TMEM14A: variants seen among roughly 807,000 people sequenced by gnomAD.
TMEM14A encodes transmembrane protein 14A.
TMEM14A carries 8 observed loss-of-function variants against 11.6 expected under a neutral mutation model. The observed-to-expected ratio is 0.69, with a 90% CI of 0.40 to 1.24. The LOEUF is 1.24. Among genes scored for constraint, TMEM14A ranks in the 50% most tolerant of loss-of-function variants. The probability of loss-of-function intolerance (pLI) is 0.01; values close to 1 mark genes in which losing one functional copy is unlikely to be tolerated. For missense variants in TMEM14A, 108 were observed against 121.9 expected (o/e 0.89, Z 0.54); for synonymous variants, 34 against 45.5 (o/e 0.75, Z 1.02).
In TMEM14A at chr6:52,680,611, A is replaced by ATATATG. The variant is rs1342408407; in HGVS notation, c.71-1201_71-1200insATATGT. Reference sequence around the variant, plus strand: ...TATATATTTATATATATATATATATATGTATATATATGTGTATATATATAT... The same window carrying ATATATG: ...TATATATTTATATATATATATATATATATATGTGTATATATATGTGTATATATATAT... On this transcript the variant is annotated intron_variant, in intron 2 of 4. Coordinates refer to ENST00000211314, the MANE Select transcript of TMEM14A (RefSeq NM_014051.4). Among the ~76,000 whole-genome samples the ATATATG allele has an allele frequency of 1.9e-3, 205 of 107,462 alleles. 4 individuals carry two copies. Among genetic ancestry groups the ATATATG allele is most frequent in the South Asian group, 0.014 (45 of 3,180 alleles). The allele number at this position is 107,462 out of a possible 152,430, so 70.5% of individuals were successfully genotyped here.
rs1295919277 is a variant in TMEM14A, at chr6:52,686,074, G to C, written c.*25G>C. The C allele has an allele frequency of 1.2e-6, 2 of 1,604,682 alleles. No individual in the cohort carries two copies. Among genetic ancestry groups the C allele is most frequent in the Non-Finnish European group, 1.7e-6 (2 of 1,175,482 alleles). On this transcript the variant is annotated 3_prime_UTR_variant, in exon 5 of 5. Transcript: ENST00000211314. ...AGCATCTGGAGGAACAGAAAACTAA[G>C]TTCATGTCATCCTGCTGTAATGGGC...
intron 2 of TMEM14A, among the ~76,000 whole-genome samples, chr6:52,678,306 A>G (rs1319327640): frequency 6.9e-6 from 1 of 144,112 alleles, no homozygotes; most frequent in African/African-American, 2.5e-5. Flanking sequence ...AGAGAGATAT[A>G]GAGAGTGTGT....
rs749318698 is a variant in TMEM14A, at chr6:52,680,669, G to GTA, written c.71-1131_71-1130dup. On this transcript the variant is annotated intron_variant, in intron 2 of 4. Transcript: ENST00000211314. ...TATATATGTGTGTGTATATATATGT[G>GTA]TATATATATATATACATATATGTAT... Among the ~76,000 whole-genome samples the GTA allele has an allele frequency of 1.1e-4, 4 of 35,964 alleles. 2 individuals are homozygous for GTA. The highest frequency in any genetic ancestry group is 3.1e-4 in the African/African-American group (4 of 12,714). The allele number at this position is 35,964 out of a possible 152,430, so 23.6% of individuals were successfully genotyped here.
chr6:52,682,176 T>C (rs1031905476), intron 3 of TMEM14A, among the ~76,000 whole-genome samples: 1 of 152,252 alleles, frequency 6.6e-6, no homozygotes, highest in African/African-American at 2.4e-5. Flanking sequence ...CAAGGAATTA[T>C]TTTCAGATTT....
chr6:52,679,967 G>A (rs1475764879), intron 2 of TMEM14A, among the ~76,000 whole-genome samples: 2 of 151,950 alleles, frequency 1.3e-5, no homozygotes, highest in Non-Finnish European at 2.9e-5. Flanking sequence ...CACCTTAATG[G>A]TCACCTAGTT....
chr6:52,683,491 A>G (rs373135906), intron 3 of TMEM14A, among the ~76,000 whole-genome samples: 1 of 151,424 alleles, frequency 6.6e-6, no homozygotes, highest in East Asian at 1.9e-4. Context: ...AACAAAAAAA[A>G]AAAAAAGAAA....
intron 2 of TMEM14A, among the ~76,000 whole-genome samples, chr6:52,679,171 A>C (rs1490556683): frequency 6.6e-6 from 1 of 152,194 alleles, no homozygotes; most frequent in African/African-American, 2.4e-5. Flanking sequence ...TGATGGGGGT[A>C]CAGTGGGGAG....
At chr6:52,679,811 C>T (rs1769330638) in intron 2 of TMEM14A, among the ~76,000 whole-genome samples, 1 of 131,130 alleles carries the variant, frequency 7.6e-6, no homozygotes, top group East Asian at 2.6e-4. Flanking sequence ...CTCATCAAGA[C>T]TGAAGTGTAG....
intron 1 of TMEM14A, among the ~76,000 whole-genome samples, chr6:52,676,390 T>C (rs9395808): frequency 0.8 from 121,223 of 152,072 alleles, 48,849 homozygotes; most frequent in South Asian, 0.88. Flanking sequence ...GTAGCTGGGA[T>C]CACACGTGCA....
intron 2 of TMEM14A, among the ~76,000 whole-genome samples, chr6:52,680,691 G>GTGTGTATATATATA (rs758417981): frequency 5.7e-5 from 2 of 35,336 alleles, no homozygotes; most frequent in African/African-American, 1.5e-4. Flanking sequence ...ATACATATAT[G>GTGTGTATATATATA]TATATATATA....
At chr6:52,675,242 A>G (rs1207714918) in intron 1 of TMEM14A, among the ~76,000 whole-genome samples, 1 of 152,208 alleles carries the variant, frequency 6.6e-6, no homozygotes, top group Non-Finnish European at 1.5e-5. Flanking sequence ...AAGGCCCATT[A>G]ACCTAAATGA....
chr6:52,686,136 A>G lies in TMEM14A; in HGVS notation c.*87A>G. ...TTTTTGTATTTAAAAGATAAACTTCAATATGGAATGCTAGAAACACAAATA... is the reference window on the plus strand; with the variant it reads ...TTTTTGTATTTAAAAGATAAACTTCGATATGGAATGCTAGAAACACAAATA... On this transcript the variant is annotated 3_prime_UTR_variant, in exon 5 of 5. Transcript: ENST00000211314. 4.7e-6 allele frequency: 6 copies of G among 1,289,182 alleles called. No homozygotes were observed. The highest frequency in any genetic ancestry group is 6.5e-6 in the Non-Finnish European group (6 of 928,646). 79.9% of individuals were successfully genotyped at this position (1,289,182 alleles called of 1,614,324 possible).
chr6:52,674,898 T>C lies in TMEM14A; in HGVS notation c.-16-2189T>C, dbSNP rs776049795. Among the ~76,000 whole-genome samples, 558 of 151,098 alleles carry C rather than the reference T, an allele frequency of 3.7e-3. 4 individuals are homozygous for C. The highest frequency in any genetic ancestry group is 0.013 in the African/African-American group (531 of 41,206). ...GCTCAAAATTCTTCTTCTTTTTTTTTTTTTTTTTTTTTGAGACGCCCAGGC... is the reference window on the plus strand; with the variant it reads ...GCTCAAAATTCTTCTTCTTTTTTTTCTTTTTTTTTTTTGAGACGCCCAGGC... On this transcript the variant is annotated intron_variant, in intron 1 of 4. Transcript: ENST00000211314.
At chr6:52,674,930 G>A (rs1289553065) in intron 1 of TMEM14A, among the ~76,000 whole-genome samples, 2 of 149,106 alleles carry the variant, frequency 1.3e-5, no homozygotes, top group African/African-American at 5.0e-5. Context: ...AGGCTGGAGT[G>A]CAGTGGCACG....
chr6:52,679,179 G>A (rs1769319046), intron 2 of TMEM14A, among the ~76,000 whole-genome samples: 1 of 152,216 alleles, frequency 6.6e-6, no homozygotes, highest in South Asian at 2.1e-4. Context: ...GTACAGTGGG[G>A]AGAGAGGGCA....
At chr6:52,676,145 C>CA (rs999188652) in intron 1 of TMEM14A, among the ~76,000 whole-genome samples, 2 of 152,148 alleles carry the variant, frequency 1.3e-5, no homozygotes, top group African/African-American at 4.8e-5. Context: ...GAGAGTATGG[C>CA]AGATCTTGAA....
chr6:52,682,423 G>A (rs1057138404), intron 3 of TMEM14A, among the ~76,000 whole-genome samples: 13 of 152,134 alleles, frequency 8.5e-5, no homozygotes, highest in African/African-American at 3.1e-4. Context: ...AAAGTCACCA[G>A]GACACTTGAC....
chr6:52,683,295 A>C lies in TMEM14A; in HGVS notation c.173-783A>C, dbSNP rs1041199493. The stretch of plus-strand genomic sequence containing the variant: ...GCCAACATAGCAAGACCCTGTCTCT[A>C]CTAAAAGTACAAAAATTAGCTGGAT... On this transcript the variant is annotated intron_variant, in intron 3 of 4. Transcript: ENST00000211314. Among the ~76,000 whole-genome samples, 6 of 152,140 alleles carry C rather than the reference A, an allele frequency of 3.9e-5. No homozygotes were observed. In the South Asian group the frequency reaches 8.3e-4, roughly 21 times the overall value.
At chr6:52,677,334 G>A (rs74481382) in intron 2 of TMEM14A, among the ~76,000 whole-genome samples, 162 bp downstream of exon 2, 6,205 of 152,230 alleles carry the variant, frequency 0.041, 405 homozygotes, top group African/African-American at 0.14. Context: ...AGAGGCTTCC[G>A]TGGGGCTGAG....
Sources: allele counts gnomAD v4.1 joint callset (sites outside exome capture counted in the v4.1 genomes callset), GRCh38; gene constraint gnomAD v4.1.1; transcripts MANE v1.5; gene names NCBI Gene and HGNC (gene_info 2026-07-23, HGNC 2026-07-21).